The following SLMAP variants were observed in gnomAD, a reference collection of about 807,000 sequenced individuals.
SLMAP encodes the protein sarcolemmal membrane-associated protein.
Under a neutral mutation model 128.8 loss-of-function variants are expected in SLMAP, and 44 were observed. The ratio of observed to expected loss-of-function variants is 0.34; its 90% CI spans 0.27 to 0.44. The LOEUF (loss-of-function observed/expected upper bound fraction) is 0.44. SLMAP is among the 20% of genes least tolerant of loss of function. The pLI is 1.00. For synonymous variants in SLMAP, 327 were observed against 348.8 expected (o/e 0.94, Z 0.70); for missense variants, 787 against 985.3 (o/e 0.80, Z 2.69).
At chr3:57,921,957 G>A (rs2096927594) in intron 22 of SLMAP, among the ~76,000 whole-genome samples, 1 of 152,106 alleles carries the variant, frequency 6.6e-6, no homozygotes, top group Non-Finnish European at 1.5e-5. Context: ...CGCCCACCTT[G>A]GCCTCCCAAA....
intron 2 of SLMAP, among the ~76,000 whole-genome samples, chr3:57,810,559 C>CT (rs1248362667): frequency 2.0e-5 from 3 of 152,320 alleles, no homozygotes; most frequent in Non-Finnish European, 4.4e-5. Flanking sequence ...AGCAAAACTT[C>CT]TTAAAAGATT....
chr3:57,833,404 T>C (rs2093452810), intron 3 of SLMAP, among the ~76,000 whole-genome samples: 4 of 151,358 alleles, frequency 2.6e-5, no homozygotes, highest in Non-Finnish European at 4.4e-5. Flanking sequence ...TTCCTCTTAG[T>C]ATAATCTTAT....
At chr3:57,902,105 A>G (rs1049100455) in intron 17 of SLMAP, 3 of 152,244 alleles carry the variant, frequency 2.0e-5, no homozygotes, top group Non-Finnish European at 2.9e-5. Flanking sequence ...CATTCAAACA[A>G]TTCAACTGTA....
At chr3:57,762,659 C>T (rs1289442683) in intron 2 of SLMAP, among the ~76,000 whole-genome samples, 1 of 150,536 alleles carries the variant, frequency 6.6e-6, no homozygotes, top group African/African-American at 2.4e-5. Context: ...TATTATCCTT[C>T]ATCCTTTTCG....
At chr3:57,798,444 T>G (rs947476317) in intron 2 of SLMAP, among the ~76,000 whole-genome samples, 1 of 152,196 alleles carries the variant, frequency 6.6e-6, no homozygotes, top group African/African-American at 2.4e-5. Flanking sequence ...GTTTTGAAAC[T>G]AATGTTGTAT....
intron 14 of SLMAP, among the ~76,000 whole-genome samples, chr3:57,889,412 A>G (rs2096000107): frequency 6.6e-6 from 1 of 152,240 alleles, no homozygotes; most frequent in South Asian, 2.1e-4. Context: ...AAATTGAAGG[A>G]GACCAACTGA....
At chr3:57,903,090 A>G (rs1023800061) in intron 17 of SLMAP, among the ~76,000 whole-genome samples, 5 of 152,228 alleles carry the variant, frequency 3.3e-5, no homozygotes, top group Non-Finnish European at 7.4e-5. Context: ...ACAGGGGTGA[A>G]CAGTGGTAGC....
At chr3:57,917,191 A>C (rs1254717020) in intron 22 of SLMAP, 114 bp downstream of exon 22, 2 of 1,551,288 alleles carry the variant, frequency 1.3e-6, no homozygotes. Flanking sequence ...TACCTGTCAC[A>C]AAATTGATAC....
chr3:57,827,091 C>A (rs1299893831), intron 2 of SLMAP, among the ~76,000 whole-genome samples: 1 of 152,222 alleles, frequency 6.6e-6, no homozygotes, highest in Non-Finnish European at 1.5e-5. Context: ...CGAATCTATT[C>A]TGCATTCATA....
chr3:57,906,673 AAATATATAT>A (rs1275042584), intron 17 of SLMAP, among the ~76,000 whole-genome samples: 2,328 of 30,904 alleles, frequency 0.075, 53 homozygotes, highest in African/African-American at 0.15. Flanking sequence ...TATGAAAAAA[AAATATATAT>A]ATATATATAT....
At chr3:57,872,195 G>A (rs2095495960) in intron 14 of SLMAP, among the ~76,000 whole-genome samples, 1 of 152,178 alleles carries the variant, frequency 6.6e-6, no homozygotes, top group African/African-American at 2.4e-5. Context: ...GCAGCTACGT[G>A]GGAGGCTGAG....
At chr3:57,862,638 C>CAAAA (rs752561093) in intron 10 of SLMAP, among the ~76,000 whole-genome samples, 1,460 of 95,586 alleles carry the variant, frequency 0.015, 43 homozygotes, top group African/African-American at 0.034. Flanking sequence ...CTTCGTCTCA[C>CAAAA]AAAAAAAAAA....
chr3:57,834,427 A>G (rs1399761986), intron 3 of SLMAP, among the ~76,000 whole-genome samples: 1 of 152,136 alleles, frequency 6.6e-6, no homozygotes, highest in Non-Finnish European at 1.5e-5. Flanking sequence ...AAACACAAAT[A>G]CAGGATATAC....
rs142342737 is a variant in SLMAP at position 57,840,233 on chromosome 3, C to T, written c.347-1066C>T. 4.6e-5 allele frequency among the ~76,000 whole-genome samples: 7 copies of T among 152,346 alleles called. No homozygotes were observed. The East Asian group carries it at 5.8e-4, about 13-fold the overall frequency. On this transcript the variant is annotated intron_variant, in intron 3 of 24. Coordinates refer to ENST00000671191, the MANE Select transcript of SLMAP (RefSeq NM_001377540.1). ...CCTCCCAAAGTACCGGGATTACAGG[C>T]GTGAGCCACCATGCCCGGCCAACAT... is the stretch of plus-strand genomic sequence containing the variant.
chr3:57,899,684 A>C (rs2096325660), intron 17 of SLMAP: 1 of 152,020 alleles, frequency 6.6e-6, no homozygotes, highest in Non-Finnish European at 1.5e-5. Flanking sequence ...AGTAGCTGGG[A>C]CTACAGGCAT....
chr3:57,913,507 A>G (rs2096742800), intron 21 of SLMAP, among the ~76,000 whole-genome samples: 1 of 152,072 alleles, frequency 6.6e-6, no homozygotes, highest in Admixed American at 6.5e-5. Context: ...ATACAGATTC[A>G]TTAAATGTCC....
intron 2 of SLMAP, among the ~76,000 whole-genome samples, chr3:57,798,186 T>A (rs1353223138): frequency 6.6e-6 from 1 of 152,226 alleles, no homozygotes; most frequent in Non-Finnish European, 1.5e-5. Flanking sequence ...GGTGGGTGGT[T>A]TCTTAAATTT....
chr3:57,762,151 G>A (rs2078801637), intron 2 of SLMAP, among the ~76,000 whole-genome samples: 1 of 151,524 alleles, frequency 6.6e-6, no homozygotes, highest in African/African-American at 2.4e-5. Flanking sequence ...GACGGATCAC[G>A]AGGTTAGGAG....
chr3:57,812,779 A>G (rs987079539), intron 2 of SLMAP, among the ~76,000 whole-genome samples: 5 of 152,012 alleles, frequency 3.3e-5, no homozygotes, highest in Admixed American at 6.5e-5. Flanking sequence ...CTCTTTGGCT[A>G]AGTTAATTCC....
Sources: allele counts gnomAD v4.1 joint callset (sites outside exome capture counted in the v4.1 genomes callset), GRCh38; gene constraint gnomAD v4.1.1; transcripts MANE v1.5; gene names NCBI Gene and HGNC (gene_info 2026-07-23, HGNC 2026-07-21).